RBFOX1: variants seen among roughly 807,000 people sequenced by gnomAD.
RBFOX1 encodes RNA binding protein fox-1 homolog 1.
RBFOX1 carries 8 observed loss-of-function variants against 57.7 expected under a neutral mutation model. The ratio of observed to expected loss-of-function variants is 0.14; its 90% CI spans 0.08 to 0.25. The LOEUF (loss-of-function observed/expected upper bound fraction) is 0.25. Among genes scored for constraint, RBFOX1 ranks in the 10% least tolerant of loss-of-function variants. The pLI, the probability that RBFOX1 is intolerant of heterozygous loss-of-function variation, is 1.00. For missense variants in RBFOX1, 611 were observed against 548.5 expected, an observed-to-expected ratio of 1.11 and a Z score of -1.14; for synonymous variants, 326 against 222.4, an observed-to-expected ratio of 1.47 and a Z score of -4.15.
At chr16:5,666,481 C>G (rs993963648) in intron 3 of RBFOX1, among the ~76,000 whole-genome samples, 1 of 152,116 alleles carries the variant, frequency 6.6e-6, no homozygotes, top group Non-Finnish European at 1.5e-5. Flanking sequence ...TCCTAGATCC[C>G]AGAAATAGAG....
rs534339927 is a variant in RBFOX1, at chr16:6,747,053, G to C, written c.-16+92403G>C. On this transcript the variant is annotated intron_variant, in intron 3 of 15. Coordinates refer to ENST00000550418, the MANE Select transcript of RBFOX1 (RefSeq NM_018723.4). ...CCTACAGAAGTCCTAGCAGACCTCTGCAGAACCCCTCACGGTACCATAGCA... is the reference window on the plus strand; with the variant it reads ...CCTACAGAAGTCCTAGCAGACCTCTCCAGAACCCCTCACGGTACCATAGCA... Among the ~76,000 whole-genome samples, 12 of 152,216 alleles carry C rather than the reference G, an allele frequency of 7.9e-5. No homozygotes were observed. The East Asian group carries it at 2.3e-3, about 29-fold the overall frequency.
chr16:5,908,671 G>A (rs2058538403), intron 4 of RBFOX1, among the ~76,000 whole-genome samples: 1 of 152,038 alleles, frequency 6.6e-6, no homozygotes, highest in Non-Finnish European at 1.5e-5. Context: ...GCCTAAAAGT[G>A]TGGCAGGGCA....
chr16:6,097,921 A>G lies in RBFOX1; in HGVS notation c.-127+77929A>G, dbSNP rs562145855. Among the ~76,000 whole-genome samples, 34 of 152,274 alleles carry G rather than the reference A, an allele frequency of 2.2e-4. No individual in the cohort carries two copies. The East Asian group carries it at 3.3e-3, about 15-fold the overall frequency. Reference sequence around the variant, plus strand: ...TTGCTGGAATATTTAGCAAGCATCAATGAGTCCTGGAGGGCTTTTAAACCA... The same window carrying G: ...TTGCTGGAATATTTAGCAAGCATCAGTGAGTCCTGGAGGGCTTTTAAACCA... On this transcript the variant is annotated intron_variant, in intron 1 of 15. Transcript: ENST00000550418. This position sits in a 1 kb window ranked among gnomAD's most constrained non-coding sequence, Gnocchi z 5.0.
At chr16:7,571,423 A>T (rs1408329156) in intron 5 of RBFOX1, among the ~76,000 whole-genome samples, 1 of 152,074 alleles carries the variant, frequency 6.6e-6, no homozygotes, top group Non-Finnish European at 1.5e-5. Context: ...ATCCAATTTC[A>T]CCAGGATTAG....
chr16:6,489,605 G>A (rs532013738), intron 2 of RBFOX1, among the ~76,000 whole-genome samples: 31 of 152,116 alleles, frequency 2.0e-4, no homozygotes, highest in African/African-American at 6.8e-4. Context: ...AAGCCTAAGC[G>A]TTGAGGCACC....
intron 3 of RBFOX1, among the ~76,000 whole-genome samples, chr16:5,629,554 C>G (rs1323866254): frequency 2.0e-5 from 3 of 152,196 alleles, no homozygotes. Flanking sequence ...AGTCTAATGT[C>G]AGAATAATAC....
intron 4 of RBFOX1, among the ~76,000 whole-genome samples, chr16:7,415,853 G>A (rs769193121): frequency 2.0e-4 from 30 of 152,122 alleles, no homozygotes; most frequent in Admixed American, 6.5e-4. Flanking sequence ...ATCCTCTCCC[G>A]GGAAGATGGA....
At chr16:5,829,914 T>G (rs1400458023) in intron 3 of RBFOX1, among the ~76,000 whole-genome samples, 1 of 152,274 alleles carries the variant, frequency 6.6e-6, no homozygotes, top group East Asian at 1.9e-4. Context: ...TTAGGTGACT[T>G]ACTGGCATAG....
chr16:6,073,726 G>T (rs1322229614), intron 1 of RBFOX1, among the ~76,000 whole-genome samples: 2 of 152,052 alleles, frequency 1.3e-5, no homozygotes, highest in South Asian at 2.1e-4. Flanking sequence ...TATATTAGTT[G>T]TTCCTCCCAA....
rs1207364765 is a variant in RBFOX1 at position 7,407,683 on chromosome 16, A to G, written c.28-110464A>G. ...ACCTATTATCTTAATTGCCGTTAAC[A>G]TTCACCTTAATACAATGCTGGTTGA... On this transcript the variant is annotated intron_variant, in intron 4 of 15. Coordinates refer to ENST00000550418, the MANE Select transcript of RBFOX1 (RefSeq NM_018723.4). Among the ~76,000 whole-genome samples the G allele has an allele frequency of 2.0e-5, 3 of 152,210 alleles. No homozygotes were observed. The East Asian group carries it at 5.8e-4, about 29-fold the overall frequency.
intron 3 of RBFOX1, among the ~76,000 whole-genome samples, chr16:5,698,231 A>G (rs2050911596): frequency 6.6e-6 from 1 of 152,116 alleles, no homozygotes; most frequent in Non-Finnish European, 1.5e-5. Context: ...TTTGTTACTA[A>G]GGTAATACTA....
rs755223044 is a variant in RBFOX1, at chr16:7,162,987, G to A, written c.27+110889G>A. On this transcript the variant is annotated intron_variant, in intron 4 of 15. Coordinates refer to ENST00000550418, the MANE Select transcript of RBFOX1 (RefSeq NM_018723.4). Reference sequence around the variant, plus strand: ...TGGGCCAGTCACCTGGCATCTCCACGATCCTGTTACATTGCATATAAATGC... The same window carrying A: ...TGGGCCAGTCACCTGGCATCTCCACAATCCTGTTACATTGCATATAAATGC... 7.2e-5 allele frequency among the ~76,000 whole-genome samples: 11 copies of A among 152,084 alleles called. 1 individual carries two copies. Among genetic ancestry groups the A allele is most frequent in the South Asian group, 2.1e-4 (1 of 4,820 alleles).
chr16:5,289,991 G>T (rs548234443), intron 1 of RBFOX1, among the ~76,000 whole-genome samples: 2 of 152,336 alleles, frequency 1.3e-5, no homozygotes, highest in South Asian at 2.1e-4. Flanking sequence ...CTACTGATGA[G>T]TGGAGAGATG....
intron 3 of RBFOX1, among the ~76,000 whole-genome samples, chr16:6,842,652 C>CT (rs5815350): frequency 0.51 from 71,607 of 141,760 alleles, 18,017 homozygotes; most frequent in Admixed American, 0.58. Context: ...AATCTATTTG[C>CT]TTTTTTTTTT....
At chr16:6,842,182 A>G (rs2141515367) in intron 3 of RBFOX1, among the ~76,000 whole-genome samples, 1 of 151,840 alleles carries the variant, frequency 6.6e-6, no homozygotes, top group South Asian at 2.1e-4. Context: ...AAATAAATAA[A>G]TAAATAAATT....
chr16:5,610,573 T>A (rs1431437293), intron 3 of RBFOX1: 1 of 152,170 alleles, frequency 6.6e-6, no homozygotes, highest in African/African-American at 2.4e-5. Context: ...ATGCTGTTAA[T>A]CCCAGTGCTT....
At position 7,546,198 on chromosome 16, in the gene RBFOX1, G is replaced by C. The variant is rs192430373; in HGVS notation, c.270+27809G>C. Among the ~76,000 whole-genome samples the C allele has an allele frequency of 5.3e-5, 8 of 151,944 alleles. No individual in the cohort carries two copies. The East Asian group carries it at 1.4e-3, about 26-fold the overall frequency. On this transcript the variant is annotated intron_variant, in intron 5 of 15. Transcript: ENST00000550418. ...AAAAATCAGCCAGGCATGGTGGCACGGGCCAGTAATCCCAGGTACTTAGGA... is the reference window on the plus strand; with the variant it reads ...AAAAATCAGCCAGGCATGGTGGCACCGGCCAGTAATCCCAGGTACTTAGGA...
intron 4 of RBFOX1, among the ~76,000 whole-genome samples, chr16:7,098,868 C>G (rs997681682): frequency 2.6e-5 from 4 of 152,090 alleles, no homozygotes; most frequent in African/African-American, 9.7e-5. Flanking sequence ...TGGTCCTTAT[C>G]CTATTTTTTG....
At chr16:5,692,933 A>G (rs887124607) in intron 3 of RBFOX1, among the ~76,000 whole-genome samples, 27 of 152,240 alleles carry the variant, frequency 1.8e-4, no homozygotes, top group Admixed American at 4.6e-4. Flanking sequence ...AGGTAGGTAC[A>G]TTCTGAGACA....
Sources: gnomAD v4.1 joint callset for allele counts (sites outside exome capture counted in the v4.1 genomes callset) on GRCh38, gnomAD v4.1.1 for gene constraint, Gnocchi (gnomAD v3.1) non-coding constraint, MANE v1.5 for transcripts, NCBI Gene and HGNC (gene_info 2026-07-23, HGNC 2026-07-21) for gene names.